The following SMIM22 variants were observed in gnomAD, a reference collection of about 807,000 sequenced individuals.
SMIM22 encodes small integral membrane protein 22.
Under a neutral mutation model 8.4 loss-of-function variants are expected in SMIM22, and 16 were observed. The observed-to-expected ratio is 1.90, with a 90% CI of 1.29 to 2.89. The LOEUF (loss-of-function observed/expected upper bound fraction) is 2.89, where lower values mean the gene tolerates loss of function less well. Among genes scored for constraint, SMIM22 ranks in the 30% most tolerant of loss-of-function variants. The pLI, the probability that SMIM22 is intolerant of heterozygous loss-of-function variation, is 0.00. For synonymous variants in SMIM22, 67 were observed against 47.6 expected, an observed-to-expected ratio of 1.41 and a Z score of -1.68; for missense variants, 159 against 107.5, an observed-to-expected ratio of 1.48 and a Z score of -2.12.
In SMIM22 at chr16:4,795,857, G is replaced by C; in HGVS notation, c.123G>C (p.Met41Ile). The C allele has an allele frequency of 1.3e-6, 2 of 1,535,846 alleles. No homozygotes were observed. The highest frequency in any genetic ancestry group is 1.7e-6 in the Non-Finnish European group (2 of 1,146,730). ...CCTTCATTGTTTTCCTCACCTTCAT[G>C]GGTAAGTGTGGCTGTGGCCTCTGGG... is the stretch of plus-strand genomic sequence containing the variant. ...TVAFIVFLTFMGTVLLLLLLV... is the reference protein window; with the variant it reads ...TVAFIVFLTFIGTVLLLLLLV... Residue 41 changes from methionine (M) to isoleucine (I), a missense_variant and splice_region_variant, in exon 2 of 4, where the codon ATG (methionine) becomes ATC (isoleucine). Met to Ile is a conservative substitution (Grantham distance 10, BLOSUM62 1). Coordinates refer to ENST00000586005, the MANE Select transcript of SMIM22 (RefSeq NM_001253794.2).
chr16:4,795,885 C>T lies in SMIM22; in HGVS notation c.124+27C>T, dbSNP rs753061691. The T allele has an allele frequency of 2.6e-6, 4 of 1,534,200 alleles. No individual in the cohort carries two copies. In the South Asian group the frequency reaches 3.6e-5, roughly 14 times the overall value. ...TAAGTGTGGCTGTGGCCTCTGGGTC[C>T]TCCCAGCCCCCTGCCCTGGGCTCCA... On this transcript the variant is annotated intron_variant, in intron 2 of 3. Coordinates refer to ENST00000586005, the MANE Select transcript of SMIM22 (RefSeq NM_001253794.2).
chr16:4,790,790 G>GTAAA (rs574580783), upstream of SMIM22, among the ~76,000 whole-genome samples: 4,949 of 152,106 alleles, frequency 0.033, 127 homozygotes, highest in South Asian at 0.071. Flanking sequence ...CCCTAGCTCA[G>GTAAA]TAAATAAATA....
At chr16:4,793,499 G>A (rs1041802262), upstream of SMIM22, among the ~76,000 whole-genome samples, 1 of 152,116 alleles carries the variant, frequency 6.6e-6, no homozygotes, top group Non-Finnish European at 1.5e-5. Flanking sequence ...TTGCTATGAG[G>A]AATAAACCAG....
chr16:4,793,706 C>CT (rs2082589463), upstream of SMIM22, among the ~76,000 whole-genome samples: 1 of 152,160 alleles, frequency 6.6e-6, no homozygotes, highest in African/African-American at 2.4e-5. Context: ...CATGTACAGA[C>CT]TTTTTTGCTT....
intron 3 of SMIM22, 22 bp from the exon 4 acceptor site, chr16:4,796,168 T>C: frequency 6.5e-7 from 1 of 1,535,850 alleles, no homozygotes; most frequent in Non-Finnish European, 8.7e-7. Context: ...ACCTGCTTGG[T>C]CCCGCTGTGC....
In SMIM22 at chr16:4,795,716, T is replaced by A; in HGVS notation, c.-19T>A. 1 of 1,534,582 alleles carries A rather than the reference T, an allele frequency of 6.5e-7. No individual in the cohort carries two copies. The highest frequency in any genetic ancestry group is 8.7e-7 in the Non-Finnish European group (1 of 1,146,450). ...GCAGCCTCTGGGGGACCGGGGCAGG[T>A]GGCACGGTGCACGCCAAGATGGCTG... On this transcript the variant is annotated splice_region_variant and 5_prime_UTR_variant, in exon 2 of 4. Coordinates refer to ENST00000586005, the MANE Select transcript of SMIM22 (RefSeq NM_001253794.2).
At chr16:4,794,265 G>T (rs973839950), upstream of SMIM22, among the ~76,000 whole-genome samples, 3 of 151,692 alleles carry the variant, frequency 2.0e-5, no homozygotes, top group African/African-American at 7.3e-5. Context: ...GTGCCACCAT[G>T]GCCGGCTAAT....
In SMIM22 at chr16:4,795,388, G is replaced by GT; in HGVS notation, c.-82_-81insT. 3.7e-6 allele frequency: 1 copy of GT among 272,872 alleles called. No homozygotes were observed. 16.9% of individuals were successfully genotyped at this position (272,872 alleles called of 1,614,324 possible). The stretch of plus-strand genomic sequence containing the variant: ...GGCCTCAGGTGGTGTGGAGCCGGAA[G>GT]CAGGAAGCAGCCTGTGCTCCCCAGG... On this transcript the variant is annotated 5_prime_UTR_variant, in exon 1 of 4. Transcript: ENST00000586005.
At chr16:4,789,827 T>C (rs2082522657) in intron 2 of SMIM22, 2 of 152,246 alleles carry the variant, frequency 1.3e-5, no homozygotes, top group African/African-American at 2.4e-5. Context: ...GGTACTTGAC[T>C]TCACAAGGCT....
upstream of SMIM22, among the ~76,000 whole-genome samples, chr16:4,791,176 G>A (rs2082545263): frequency 6.6e-6 from 1 of 152,198 alleles, no homozygotes. Context: ...TGGCGGTGAG[G>A]GGAGGAGCCT....
chr16:4,795,665 C>T lies in SMIM22; in HGVS notation c.-20-50C>T, dbSNP rs372597926. 43 of 1,517,180 alleles carry T rather than the reference C, an allele frequency of 2.8e-5. No individual in the cohort carries two copies. In the East Asian group the frequency reaches 5.4e-4, roughly 19 times the overall value. The allele number at this position is 1,517,180 out of a possible 1,614,324, so 94.0% of individuals were successfully genotyped here. The stretch of plus-strand genomic sequence containing the variant: ...CTGTGGGAAGCCTGGATGTGGTCCC[C>T]GCTGAGCTGAGCCCAGGATCCTGAT... On this transcript the variant is annotated intron_variant, in intron 1 of 3. Transcript: ENST00000586005.
chr16:4,795,745 CCA>C lies in SMIM22; in HGVS notation c.14_15del (p.Thr5ArgfsTer78). ...ACGGTGCACGCCAAGATGGCTGTGT[CCA>C]CAGAGGAGCTGGAGGCCACGGTTCA... On this transcript the variant is annotated frameshift_variant, in exon 2 of 4. Transcript: ENST00000586005. LOFTEE classifies it high-confidence loss of function. 6.5e-7 allele frequency: 1 copy of C among 1,535,808 alleles called. No homozygotes were observed. The highest frequency in any genetic ancestry group is 1.2e-5 in the South Asian group (1 of 84,054).
rs772838384 is a variant in SMIM22, at chr16:4,796,048, G to A, written c.225G>A (p.Lys75=). The part of the protein sequence containing the change: ...RESPRKVSPW[K]ERPKGVDNLA... ...GCCCCAGGAAGGTGAGCCCCTGGAA[G>A]GTGAGCCCTGCCGGCCTCTGGGACC... The change falls in exon 3 of 4, where the codon AAG becomes AAA. Residue 75 remains lysine (K), a splice_region_variant and synonymous_variant. Coordinates refer to ENST00000586005, the MANE Select transcript of SMIM22 (RefSeq NM_001253794.2). The A allele has an allele frequency of 2.0e-6, 3 of 1,531,226 alleles. No individual in the cohort carries two copies. Among genetic ancestry groups the A allele is most frequent in the South Asian group, 1.2e-5 (1 of 83,716 alleles). 94.9% of individuals were successfully genotyped at this position (1,531,226 alleles called of 1,614,324 possible). A position where few individuals can be genotyped will look rare whatever the true frequency, so the allele number is the denominator to read the frequency against.
At chr16:4,793,588 G>T (rs1312139779), upstream of SMIM22, among the ~76,000 whole-genome samples, 1 of 152,170 alleles carries the variant, frequency 6.6e-6, no homozygotes, top group African/African-American at 2.4e-5. Flanking sequence ...AATAAGGACA[G>T]TGAAGAGTCC....
intron 2 of SMIM22, 38 bp from the exon 3 acceptor site, chr16:4,795,910 A>G: frequency 6.5e-7 from 1 of 1,529,174 alleles, no homozygotes; most frequent in South Asian, 1.2e-5. Context: ...CCTGGGCTCC[A>G]GGTTGGGGCC....
At chr16:4,788,961 G>A (rs80093964) in intron 2 of SMIM22, among the ~76,000 whole-genome samples, 1 of 152,212 alleles carries the variant, frequency 6.6e-6, no homozygotes, top group Non-Finnish European at 1.5e-5. Context: ...AATAGGCCAT[G>A]TGCTTTCCAG....
chr16:4,793,452 C>G (rs2082584742), upstream of SMIM22, among the ~76,000 whole-genome samples: 1 of 152,160 alleles, frequency 6.6e-6, no homozygotes, highest in Non-Finnish European at 1.5e-5. Context: ...GTTTCCTCAT[C>G]TGTAAAATGG....
At chr16:4,795,334 G>C (rs1385495102), upstream of SMIM22, 1 of 208,780 alleles carries the variant, frequency 4.8e-6, no homozygotes, top group African/African-American at 2.4e-5. Flanking sequence ...GCCTCTGCTG[G>C]CCCTGGGGAG....
At chr16:4,795,199 G>C (rs895273871), upstream of SMIM22, 2 of 153,060 alleles carry the variant, frequency 1.3e-5, no homozygotes, top group Non-Finnish European at 2.9e-5. Flanking sequence ...CTGGGATACT[G>C]AGGAAAGGTA....
Sources: gnomAD v4.1 joint callset for allele counts (sites outside exome capture counted in the v4.1 genomes callset) on GRCh38, gnomAD v4.1.1 for gene constraint, MANE v1.5 for transcripts, NCBI Gene and HGNC (gene_info 2026-07-23, HGNC 2026-07-21) for gene names.